The following NPC1L1 variants were observed in gnomAD, a reference collection of about 807,000 sequenced individuals.
The protein encoded by NPC1L1 is NPC1-like intracellular cholesterol transporter 1.
A neutral mutation model predicts 117.0 loss-of-function variants in NPC1L1; 98 were observed. The observed-to-expected ratio is 0.84, with a 90% CI of 0.71 to 0.99. The LOEUF is 0.99. NPC1L1 is among the 50% of genes least tolerant of loss of function. The probability of loss-of-function intolerance (pLI) is 0.00; values close to 1 mark genes in which losing one functional copy is unlikely to be tolerated. For missense variants in NPC1L1, 1,540 were observed against 1,710.0 expected (o/e 0.90, Z 1.75); for synonymous variants, 729 against 727.6 (o/e 1.00, Z -0.03).
chr7:44,523,638 G>A (rs1414183163), intron 10 of NPC1L1, among the ~76,000 whole-genome samples: 1 of 152,132 alleles, frequency 6.6e-6, no homozygotes, highest in Non-Finnish European at 1.5e-5. Flanking sequence ...GGGCAAGCAG[G>A]AGGGTCACTT....
chr7:44,541,135 T>G, intron 1 of NPC1L1, 71 bp downstream of exon 1: 1 of 1,504,520 alleles, frequency 6.6e-7, no homozygotes, highest in East Asian at 2.5e-5. Context: ...AACGCTCGCC[T>G]GGTACACGGC....
chr7:44,536,569 T>A lies in NPC1L1; in HGVS notation c.1682-141A>T. On this transcript the variant is annotated intron_variant, in intron 3 of 18. Transcript: ENST00000381160. This position sits in a 1 kb window ranked among gnomAD's most constrained non-coding sequence, Gnocchi z 4.7. Reference sequence around the variant, plus strand: ...CCTTCTCCCCCACTCCTTCCTCATCTGATACATGGCCTTACCTCCTACACC... The same window carrying A: ...CCTTCTCCCCCACTCCTTCCTCATCAGATACATGGCCTTACCTCCTACACC... 1 of 983,618 alleles carries A rather than the reference T, an allele frequency of 1.0e-6. No homozygotes were observed. Among genetic ancestry groups the A allele is most frequent in the South Asian group, 1.4e-5 (1 of 73,110 alleles). 60.9% of individuals were successfully genotyped at this position (983,618 alleles called of 1,614,324 possible). A position where few individuals can be genotyped will look rare whatever the true frequency, so the allele number is the denominator to read the frequency against.
chr7:44,532,283 G>A, intron 8 of NPC1L1, 66 bp from the exon 9 acceptor site: 1 of 1,604,068 alleles, frequency 6.2e-7, no homozygotes. Context: ...CCACCTTCTT[G>A]CCCCCAGGGA....
chr7:44,533,089 G>T (rs1035571345), intron 8 of NPC1L1: 12 of 304,574 alleles, frequency 3.9e-5, no homozygotes, highest in Non-Finnish European at 6.4e-5. Context: ...CTGGGTGACA[G>T]AGTGAAACTC....
Position 44,535,972 on chromosome 7 carries a change from T to G in NPC1L1, c.1855-4A>C, listed in dbSNP as rs1311740858. 1.2e-6 allele frequency: 2 copies of G among 1,612,852 alleles called. No homozygotes were observed. The highest frequency in any genetic ancestry group is 2.7e-5 in the African/African-American group (2 of 74,888). Reference sequence around the variant, plus strand: ...TGATCTCGTCTTCCAGAGAGCGCTGTGGACACACACCCGACCAGCCCCCAC... The same window carrying G: ...TGATCTCGTCTTCCAGAGAGCGCTGGGGACACACACCCGACCAGCCCCCAC... On this transcript the variant is annotated splice_region_variant and splice_polypyrimidine_tract_variant and intron_variant, in intron 4 of 18. Transcript: ENST00000381160.
At position 44,536,098 on chromosome 7, in the gene NPC1L1, G is replaced by C; in HGVS notation, c.1855-130C>G. On this transcript the variant is annotated intron_variant, in intron 4 of 18. Coordinates refer to ENST00000381160, the MANE Select transcript of NPC1L1 (RefSeq NM_001101648.2). The surrounding 1 kb of genome is among the most constrained non-coding windows in gnomAD (Gnocchi z 4.7). ...GCCTGATGGCCCCCTATAATCGCAG[G>C]TGAGGCTATAAGAACAGCCATCACA... 1.3e-6 allele frequency: 2 copies of C among 1,544,366 alleles called. No individual in the cohort carries two copies. The highest frequency in any genetic ancestry group is 1.8e-6 in the Non-Finnish European group (2 of 1,121,112).
intron 14 of NPC1L1, among the ~76,000 whole-genome samples, chr7:44,519,542 C>A (rs1487462796): frequency 6.6e-6 from 1 of 152,174 alleles, no homozygotes; most frequent in Non-Finnish European, 1.5e-5. Context: ...GAACTTGAGG[C>A]AGCTTTCAGC....
In NPC1L1 at chr7:44,539,174, T is replaced by G. The variant is rs749734311; in HGVS notation, c.1223A>C (p.Asn408Thr). The change falls in exon 2 of 19, where the codon AAC (asparagine) becomes ACC (threonine). Residue 408 changes from asparagine to threonine, a missense_variant. This residue lies in a region of NPC1L1 where 793 missense variants were observed against 820.4 expected (regional missense o/e 0.97). Transcript: ENST00000381160. The surrounding 1 kb of genome is among the most constrained non-coding windows in gnomAD (Gnocchi z 4.4). Reference sequence around the variant, plus strand: ...GTTAGGAGCCGTCAGGATCACCTGGTTGGTTCGGAAGAAGGGGCCGAAATG... The same window carrying G: ...GTTAGGAGCCGTCAGGATCACCTGGGTGGTTCGGAAGAAGGGGCCGAAATG... ...DQHFGPFFRT[N>T]QVILTAPNRS... 5.6e-6 allele frequency: 9 copies of G among 1,613,828 alleles called. No individual in the cohort carries two copies. The highest frequency in any genetic ancestry group is 1.7e-5 in the Admixed American group (1 of 59,984).
At chr7:44,535,746 T>C (rs950619354) in intron 5 of NPC1L1, 94 bp downstream of exon 5, 3 of 1,576,252 alleles carry the variant, frequency 1.9e-6, no homozygotes, top group Non-Finnish European at 2.6e-6. Context: ...TTTGCTGTTC[T>C]GAGGTGCTGT....
At chr7:44,530,919 T>C (rs1367256056) in intron 10 of NPC1L1, among the ~76,000 whole-genome samples, 1 of 152,222 alleles carries the variant, frequency 6.6e-6, no homozygotes, top group African/African-American at 2.4e-5. Context: ...TCAGCCCTGT[T>C]GTGGGCTCAG....
chr7:44,541,295 C>T lies in NPC1L1; in HGVS notation c.-36G>A, dbSNP rs1293680551. The T allele has an allele frequency of 5.2e-6, 8 of 1,546,590 alleles. No homozygotes were observed. In the East Asian group the frequency reaches 1.7e-4, roughly 33 times the overall value. The stretch of plus-strand genomic sequence containing the variant: ...GGAAGGGGTCAGCGGGGAGCCAGGC[C>T]AGGCCTCAGGAACAGCCAAGGGCTG... On this transcript the variant is annotated 5_prime_UTR_variant, in exon 1 of 19. An upstream open reading frame in the 5' UTR gains an earlier in-frame stop. Transcript: ENST00000381160.
chr7:44,534,680 T>A lies in NPC1L1; in HGVS notation c.1984-51A>T. The A allele has an allele frequency of 6.3e-7, 1 of 1,598,484 alleles. No homozygotes were observed. Among genetic ancestry groups the A allele is most frequent in the Non-Finnish European group, 8.6e-7 (1 of 1,169,182 alleles). The stretch of plus-strand genomic sequence containing the variant: ...CTAGCCACTTAGCACCTACCCAGTA[T>A]GCCCACCAGCCTCAGCTAGGCCAGA... On this transcript the variant is annotated intron_variant, in intron 5 of 18. Transcript: ENST00000381160. The surrounding 1 kb of genome is among the most constrained non-coding windows in gnomAD (Gnocchi z 5.2).
At position 44,538,258 on chromosome 7, in the gene NPC1L1, C is replaced by T. The variant is rs943793733; in HGVS notation, c.1580+559G>A. ...CGTTGTTGGCATCTTGTTGGCAGCA[C>T]ACCAGAGTGGACAGAACCAAAGACC... is the stretch of plus-strand genomic sequence containing the variant. On this transcript the variant is annotated intron_variant, in intron 2 of 18. Coordinates refer to ENST00000381160, the MANE Select transcript of NPC1L1 (RefSeq NM_001101648.2). The surrounding 1 kb of genome is among the most constrained non-coding windows in gnomAD (Gnocchi z 5.9). Among the ~76,000 whole-genome samples, 1 of 152,238 alleles carries T rather than the reference C, an allele frequency of 6.6e-6. No individual in the cohort carries two copies. The highest frequency in any genetic ancestry group is 2.4e-5 in the African/African-American group (1 of 41,454).
chr7:44,521,603 T>C, intron 12 of NPC1L1, 109 bp downstream of exon 12: 3 of 1,552,340 alleles, frequency 1.9e-6, no homozygotes, highest in Non-Finnish European at 2.7e-6. Flanking sequence ...CGACAGACCC[T>C]GCAGGATGCG....
Position 44,517,321 on chromosome 7 carries a change from T to G in NPC1L1, c.3173A>C (p.Asn1058Thr). ...RFMAYHKPLK[N>T]SQDYTEALRA... ...CAGAGCTTCTGTGTAATCCTGTGAGTTTTTCAGGGGCTTGTGATAGGCCAT... is the reference window on the plus strand; with the variant it reads ...CAGAGCTTCTGTGTAATCCTGTGAGGTTTTCAGGGGCTTGTGATAGGCCAT... Residue 1058 changes from asparagine to threonine, a missense_variant, in exon 15 of 19, where the codon AAC (asparagine) becomes ACC (threonine). Coordinates refer to ENST00000381160, the MANE Select transcript of NPC1L1 (RefSeq NM_001101648.2). The G allele has an allele frequency of 6.2e-7, 1 of 1,613,650 alleles. No homozygotes were observed.
rs532702493 is a variant in NPC1L1, at chr7:44,521,779, G to C, written c.2886C>G (p.Thr962=). 1.2e-6 allele frequency: 2 copies of C among 1,614,028 alleles called. No individual in the cohort carries two copies. The highest frequency in any genetic ancestry group is 4.5e-5 in the East Asian group (2 of 44,882). Residue 962 remains threonine (T), a synonymous_variant, in exon 12 of 19, where the codon ACC becomes ACG. Transcript: ENST00000381160. Reference sequence around the variant, plus strand: ...TATAAAGGCGGCAGCAGGAGGACGGGGTCAGCCAGTCAATGAAGTCATCCA... The same window carrying C: ...TATAAAGGCGGCAGCAGGAGGACGGCGTCAGCCAGTCAATGAAGTCATCCA... ...SWVDDFIDWL[T]PSSCCRLYIS...
At chr7:44,532,001 C>T (rs1001849052) in intron 9 of NPC1L1, 79 bp downstream of exon 9, 9 of 1,606,710 alleles carry the variant, frequency 5.6e-6, no homozygotes, top group Admixed American at 1.7e-5. Context: ...AGGCAACCTC[C>T]CCACCTCCAA....
At position 44,513,468 on chromosome 7, in the gene NPC1L1, G is replaced by C. The variant is rs1031834716; in HGVS notation, c.3978C>G (p.Pro1326=). The C allele has an allele frequency of 3.1e-6, 5 of 1,614,030 alleles. No individual in the cohort carries two copies. The African/African-American group carries it at 4.0e-5, about 13-fold the overall frequency. ...KGAGAISNFL[P]NNGRQF ...TGTATCAGAACTGCCGCCCATTGTT[G>C]GGCAAGAAGTTGCTGATGGCACCAG... is the stretch of plus-strand genomic sequence containing the variant. Residue 1326 remains proline, a synonymous_variant, in exon 19 of 19, where the codon CCC becomes CCG. Coordinates refer to ENST00000381160, the MANE Select transcript of NPC1L1 (RefSeq NM_001101648.2).
Position 44,534,328 on chromosome 7 carries a change from T to C in NPC1L1, c.2166+119A>G. On this transcript the variant is annotated intron_variant, in intron 6 of 18. Transcript: ENST00000381160. The surrounding 1 kb of genome is among the most constrained non-coding windows in gnomAD (Gnocchi z 5.2). The stretch of plus-strand genomic sequence containing the variant: ...CAGATATTGTAAACATGCGTGTCGA[T>C]GAACAGAAAGAGTCTGCAGGGAGAC... The C allele has an allele frequency of 1.1e-6, 1 of 944,752 alleles. No homozygotes were observed. The highest frequency in any genetic ancestry group is 1.7e-6 in the Non-Finnish European group (1 of 573,036). 58.5% of individuals were successfully genotyped at this position (944,752 alleles called of 1,614,324 possible). A position where few individuals can be genotyped will look rare whatever the true frequency, so the allele number is the denominator to read the frequency against.
Sources: gnomAD v4.1 joint callset for allele counts (sites outside exome capture counted in the v4.1 genomes callset) on GRCh38, gnomAD v4.1.1 for gene constraint, gnomAD v4.1.1 regional missense constraint, Gnocchi (gnomAD v3.1) non-coding constraint, MANE v1.5 for transcripts, NCBI Gene and HGNC (gene_info 2026-07-23, HGNC 2026-07-21) for gene names.